The following RORA variants were observed in gnomAD, a reference collection of about 807,000 sequenced individuals.
RORA encodes nuclear receptor ROR-alpha.
RORA carries 7 observed loss-of-function variants against 69.5 expected under a neutral mutation model. The observed-to-expected ratio is 0.10, with a 90% CI of 0.06 to 0.19. RORA has a LOEUF of 0.19. Ranked by LOEUF, RORA falls within the 10% of genes least tolerant of loss-of-function variation. The pLI is 1.00. For missense variants in RORA, 457 were observed against 663.0 expected (o/e 0.69, Z 3.41); for synonymous variants, 261 against 240.8 (o/e 1.08, Z -0.78).
intron 1 of RORA, among the ~76,000 whole-genome samples, chr15:60,764,300 A>G (rs12439143): frequency 0.35 from 52,709 of 151,646 alleles, 10,869 homozygotes; most frequent in Non-Finnish European, 0.46. Flanking sequence ...TTCTAATCCT[A>G]GGTCCTAAGT....
chr15:60,853,102 G>C (rs1021385465), intron 1 of RORA, among the ~76,000 whole-genome samples: 24 of 151,226 alleles, frequency 1.6e-4, no homozygotes, highest in African/African-American at 5.4e-4. Flanking sequence ...TCAGAGTTCA[G>C]GGCGGAGGGG....
chr15:60,653,298 CGTGTGTGTGTGTGT>C (rs61265165), intron 2 of RORA, among the ~76,000 whole-genome samples: 2 of 147,484 alleles, frequency 1.4e-5, no homozygotes, highest in South Asian at 2.2e-4. Flanking sequence ...CAGGTGCATG[CGTGTGTGTGTGTGT>C]GTGTGTGTGT....
chr15:61,022,490 G>T (rs1393027699), intron 1 of RORA, among the ~76,000 whole-genome samples: 1 of 152,100 alleles, frequency 6.6e-6, no homozygotes, highest in Non-Finnish European at 1.5e-5. Context: ...AGAGCTCAAA[G>T]TTCAGAGTGC....
rs2065118347 is a variant in RORA, at chr15:60,494,453, T to C, written c.*3002A>G. The C allele has an allele frequency of 6.6e-6, 1 of 152,262 alleles. No individual in the cohort carries two copies. The highest frequency in any genetic ancestry group is 6.5e-5 in the Admixed American group (1 of 15,290). The allele number at this position is 152,262 out of a possible 1,614,324, so 9.4% of individuals were successfully genotyped here. The stretch of plus-strand genomic sequence containing the variant: ...AGACTGAAGTTTAGGAAACTTTAAT[T>C]ATAAAAACTATTAAGGATAATTGTT... On this transcript the variant is annotated 3_prime_UTR_variant, in exon 11 of 11. Transcript: ENST00000335670.
intron 2 of RORA, among the ~76,000 whole-genome samples, chr15:60,574,332 G>A (rs1002603870): frequency 6.6e-6 from 1 of 152,182 alleles, no homozygotes; most frequent in Non-Finnish European, 1.5e-5. Flanking sequence ...ATAAATGATA[G>A]GCTTAGAACA....
At chr15:60,613,549 TACA>T (rs1359036817) in intron 2 of RORA, among the ~76,000 whole-genome samples, 1 of 152,128 alleles carries the variant, frequency 6.6e-6, no homozygotes, top group Non-Finnish European at 1.5e-5. Flanking sequence ...ACGATTCAAA[TACA>T]ACAACTTGCT....
chr15:60,927,895 G>A (rs965817496), intron 1 of RORA, among the ~76,000 whole-genome samples: 1 of 152,132 alleles, frequency 6.6e-6, no homozygotes, highest in African/African-American at 2.4e-5. Flanking sequence ...ACTCATTCTG[G>A]AGAAAATAAT....
At chr15:60,707,466 C>G (rs1289857067) in intron 1 of RORA, among the ~76,000 whole-genome samples, 1 of 151,956 alleles carries the variant, frequency 6.6e-6, no homozygotes, top group Non-Finnish European at 1.5e-5. Context: ...CGGGTTCACG[C>G]CATTCTCCTG....
Position 60,632,716 on chromosome 15 carries a change from TATC to T in RORA, c.196+45938_196+45940del, listed in dbSNP as rs572308632. On this transcript the variant is annotated intron_variant, in intron 2 of 10. Coordinates refer to ENST00000335670, the MANE Select transcript of RORA (RefSeq NM_134261.3). ...ACTCACACGCATCGGGTGTCCTACT[TATC>T]ATTAGCTGAGGCACAAGTTTTGGGA... Among the ~76,000 whole-genome samples, 724 of 152,280 alleles carry T rather than the reference TATC, an allele frequency of 4.8e-3. 7 individuals carry two copies. The highest frequency in any genetic ancestry group is 0.017 in the African/African-American group (702 of 41,552).
chr15:60,993,444 G>A (rs1894440873), intron 1 of RORA, among the ~76,000 whole-genome samples: 1 of 151,962 alleles, frequency 6.6e-6, no homozygotes, highest in African/African-American at 2.4e-5. Context: ...TTCAAGACCA[G>A]CCTGGCCAAC....
intron 1 of RORA, among the ~76,000 whole-genome samples, chr15:61,117,332 A>G (rs2079059993): frequency 6.6e-6 from 1 of 152,210 alleles, no homozygotes; most frequent in Non-Finnish European, 1.5e-5. Flanking sequence ...TTGTTTATCT[A>G]CCATGATTTG....
chr15:60,945,882 C>A (rs1266290067), intron 1 of RORA, among the ~76,000 whole-genome samples: 2 of 152,324 alleles, frequency 1.3e-5, no homozygotes, highest in Middle Eastern at 3.4e-3. Flanking sequence ...ATCTATGAGG[C>A]AGAATCTATT....
chr15:60,524,987 C>G (rs912268712), intron 3 of RORA, among the ~76,000 whole-genome samples: 6 of 152,084 alleles, frequency 3.9e-5, no homozygotes, highest in Non-Finnish European at 7.4e-5. Context: ...GTATCTTATT[C>G]CAAAGGCCAT....
At chr15:61,081,250 C>T (rs2078534920) in intron 1 of RORA, among the ~76,000 whole-genome samples, 1 of 152,126 alleles carries the variant, frequency 6.6e-6, no homozygotes, top group Non-Finnish European at 1.5e-5. Flanking sequence ...TCTCTGACTA[C>T]ATGAAAATAC....
At chr15:60,953,600 A>G (rs1308521815) in intron 1 of RORA, among the ~76,000 whole-genome samples, 1 of 108,256 alleles carries the variant, frequency 9.2e-6, no homozygotes, top group South Asian at 3.7e-4. Context: ...TACAAGAAAA[A>G]AACAAACAAC....
At chr15:60,671,816 T>G (rs912218961) in intron 2 of RORA, among the ~76,000 whole-genome samples, 2 of 151,634 alleles carry the variant, frequency 1.3e-5, no homozygotes, top group Non-Finnish European at 2.9e-5. Context: ...TTCACCATGT[T>G]GGCCAGGCTG....
At chr15:60,971,944 A>C (rs1893729721) in intron 1 of RORA, among the ~76,000 whole-genome samples, 1 of 152,222 alleles carries the variant, frequency 6.6e-6, no homozygotes, top group South Asian at 2.1e-4. Context: ...TGAAACCTGA[A>C]GCTTCCTTGG....
At chr15:60,783,984 A>C (rs1243070346) in intron 1 of RORA, among the ~76,000 whole-genome samples, 1 of 152,210 alleles carries the variant, frequency 6.6e-6, no homozygotes, top group Admixed American at 6.5e-5. Context: ...GGTCAAACCT[A>C]GGGGAGCCAT....
rs559922957 is a variant in RORA, at chr15:61,156,738, G to A, written c.166+72315C>T. 2.9e-4 allele frequency among the ~76,000 whole-genome samples: 44 copies of A among 152,330 alleles called. No individual in the cohort carries two copies. In the Middle Eastern group the frequency reaches 0.024, roughly 82 times the overall value. ...TGACGTCTTCTCCAGACTCCCCCAT[G>A]TTATAAGAGATGTTAAATCTGAGGT... On this transcript the variant is annotated intron_variant, in intron 1 of 10. Coordinates refer to ENST00000335670, the MANE Select transcript of RORA (RefSeq NM_134261.3).
Sources: allele counts gnomAD v4.1 joint callset (sites outside exome capture counted in the v4.1 genomes callset), GRCh38; gene constraint gnomAD v4.1.1; transcripts MANE v1.5; gene names NCBI Gene and HGNC (gene_info 2026-07-23, HGNC 2026-07-21).